EIF2B3: variants seen among roughly 807,000 people sequenced by gnomAD.
The protein encoded by EIF2B3 is eukaryotic translation initiation factor 2B subunit gamma, also known as translation initiation factor eIF2B subunit gamma.
EIF2B3 carries 20 observed loss-of-function variants against 54.1 expected under a neutral mutation model. The observed-to-expected ratio is 0.37, with a 90% confidence interval of 0.26 to 0.54. EIF2B3 has a LOEUF of 0.54. Ranked by LOEUF, EIF2B3 falls within the 20% of genes least tolerant of loss-of-function variation. EIF2B3 has a pLI of 0.86. For synonymous variants in EIF2B3, 153 were observed against 188.1 expected, an observed-to-expected ratio of 0.81 and a Z score of 1.52; for missense variants, 448 against 547.8, an observed-to-expected ratio of 0.82 and a Z score of 1.82.
chr1:44,881,688 C>A lies in EIF2B3; in HGVS notation c.708G>T (p.Gln236His). The A allele has an allele frequency of 1.2e-6, 2 of 1,614,164 alleles. No homozygotes were observed. Among genetic ancestry groups the A allele is most frequent in the Non-Finnish European group, 1.7e-6 (2 of 1,180,014 alleles). The change falls in exon 7 of 12, where the codon CAG (glutamine) becomes CAT (histidine). Residue 236 changes from glutamine to histidine, a missense_variant. Physicochemically the swap from Gln to His is conservative, Grantham distance 24. Coordinates refer to ENST00000360403, the MANE Select transcript of EIF2B3 (RefSeq NM_020365.5). This position sits in a 1 kb window ranked among gnomAD's most constrained non-coding sequence, Gnocchi z 4.0. ...SELIPYLVRK[Q>H]FSSASSQQGQ... Reference sequence around the variant, plus strand: ...CCTGTTGTGAGGAAGCTGAGGAAAACTGTTTTCTCACTAAATATGGAATCA... The same window carrying A: ...CCTGTTGTGAGGAAGCTGAGGAAAAATGTTTTCTCACTAAATATGGAATCA...
chr1:44,899,972 G>A (rs543104900), intron 5 of EIF2B3, among the ~76,000 whole-genome samples: 35 of 152,260 alleles, frequency 2.3e-4, no homozygotes, highest in South Asian at 1.0e-3. Flanking sequence ...AAAATGTAGT[G>A]CAATATATAT....
Position 44,856,711 on chromosome 1 carries a change from G to A in EIF2B3, c.1306+993C>T, listed in dbSNP as rs761264570. On this transcript the variant is annotated intron_variant, in intron 11 of 11. Transcript: ENST00000360403. ...AAACTGAAGAAGGAAATGATGTGGCGTCTACAGAGTTGGTGGGGTTAATTC... is the reference window on the plus strand; with the variant it reads ...AAACTGAAGAAGGAAATGATGTGGCATCTACAGAGTTGGTGGGGTTAATTC... Among the ~76,000 whole-genome samples, 16 of 151,938 alleles carry A rather than the reference G, an allele frequency of 1.1e-4. No individual in the cohort carries two copies. The East Asian group carries it at 1.2e-3, about 11-fold the overall frequency.
chr1:44,969,922 G>T (rs1644383684), intron 3 of EIF2B3: 2 of 152,172 alleles, frequency 1.3e-5, no homozygotes, highest in Non-Finnish European at 2.9e-5. Flanking sequence ...GAGAAAATAT[G>T]AAATCTAAGA....
At chr1:44,902,602 G>A (rs1643329335) in intron 5 of EIF2B3, among the ~76,000 whole-genome samples, 1 of 152,030 alleles carries the variant, frequency 6.6e-6, no homozygotes, top group South Asian at 2.1e-4. Context: ...TGGGAGGACT[G>A]CTCAAGCTCA....
At chr1:44,980,956 C>A in intron 2 of EIF2B3, 65 bp downstream of exon 2, 1 of 1,600,210 alleles carries the variant, frequency 6.2e-7, no homozygotes, top group African/African-American at 1.3e-5. Context: ...ATAACGCTGA[C>A]AAATCATGGG....
intron 3 of EIF2B3, among the ~76,000 whole-genome samples, chr1:44,968,893 T>C (rs1253354824): frequency 6.4e-5 from 5 of 78,168 alleles, no homozygotes; most frequent in Admixed American, 4.0e-4. Context: ...CAAAACTCCA[T>C]CTCAAAAAAA....
chr1:44,854,790 T>C (rs985250079), intron 11 of EIF2B3, among the ~76,000 whole-genome samples: 1 of 151,916 alleles, frequency 6.6e-6, no homozygotes, highest in African/African-American at 2.4e-5. Context: ...GGTTTCTCCA[T>C]GTTGGTCAGG....
At chr1:44,867,863 T>C (rs186432318) in intron 10 of EIF2B3, among the ~76,000 whole-genome samples, 2 of 141,870 alleles carry the variant, frequency 1.4e-5, no homozygotes, top group Admixed American at 7.3e-5. Flanking sequence ...AGAGATTCTG[T>C]CTCTAAAAAA....
chr1:44,925,907 G>C (rs752089603), intron 5 of EIF2B3, among the ~76,000 whole-genome samples: 1 of 149,948 alleles, frequency 6.7e-6, no homozygotes, highest in Admixed American at 6.7e-5. Flanking sequence ...CTGGGCAACA[G>C]AGCAAGACTC....
intron 8 of EIF2B3, among the ~76,000 whole-genome samples, chr1:44,879,115 CTTA>C (rs1482831007): frequency 6.6e-6 from 1 of 152,114 alleles, no homozygotes; most frequent in African/African-American, 2.4e-5. Context: ...TTTTCCTAGT[CTTA>C]TTATTCCTCC....
chr1:44,900,500 G>T (rs1643263355), intron 5 of EIF2B3, among the ~76,000 whole-genome samples: 1 of 149,318 alleles, frequency 6.7e-6, no homozygotes, highest in African/African-American at 2.5e-5. Context: ...TACACAACCA[G>T]GGGGAGGGAG....
chr1:44,979,563 T>A (rs1644491494), intron 2 of EIF2B3, among the ~76,000 whole-genome samples: 1 of 148,054 alleles, frequency 6.8e-6, no homozygotes, highest in South Asian at 2.1e-4. Context: ...GAGGCTAAGA[T>A]GGGAGGATCG....
At chr1:44,874,515 AG>A in intron 10 of EIF2B3, 162 bp downstream of exon 10, 1 of 720,436 alleles carries the variant, frequency 1.4e-6, no homozygotes, top group South Asian at 2.1e-5. Context: ...TTCCTAGTAA[AG>A]TTTTTGAGAC....
chr1:44,891,870 CA>C (rs1200524467), intron 6 of EIF2B3, among the ~76,000 whole-genome samples: 2 of 152,114 alleles, frequency 1.3e-5, no homozygotes, highest in African/African-American at 2.4e-5. Flanking sequence ...GTTCTTATAG[CA>C]ATGCTTATGA....
chr1:44,937,384 T>A (rs887567743), intron 4 of EIF2B3: 1 of 152,214 alleles, frequency 6.6e-6, no homozygotes, highest in Non-Finnish European at 1.5e-5. Context: ...TATGATCCCT[T>A]CCCTTATGGA....
intron 6 of EIF2B3, among the ~76,000 whole-genome samples, chr1:44,887,665 G>A (rs1027001168): frequency 1.2e-4 from 19 of 152,174 alleles, no homozygotes; most frequent in Admixed American, 2.6e-4. Flanking sequence ...AAGGCCGGGC[G>A]CGATGGCTCA....
At chr1:44,927,263 T>C (rs544798344) in intron 4 of EIF2B3, among the ~76,000 whole-genome samples, 23 of 152,248 alleles carry the variant, frequency 1.5e-4, no homozygotes, top group African/African-American at 5.3e-4. Context: ...TATAATTGTC[T>C]CATGGTTCTG....
At chr1:44,858,066 G>C (rs1012452823) in intron 10 of EIF2B3, among the ~76,000 whole-genome samples, 1 of 138,122 alleles carries the variant, frequency 7.2e-6, no homozygotes, top group African/African-American at 2.6e-5. Context: ...CTTCACTTCA[G>C]TTCCTTTTTT....
At chr1:44,869,549 A>G (rs530780635) in intron 10 of EIF2B3, among the ~76,000 whole-genome samples, 4 of 141,194 alleles carry the variant, frequency 2.8e-5, no homozygotes, top group African/African-American at 1.1e-4. Context: ...GTTCAGTTTT[A>G]CCCCCATTTT....
Sources: gnomAD v4.1 joint callset for allele counts (sites outside exome capture counted in the v4.1 genomes callset) on GRCh38, gnomAD v4.1.1 for gene constraint, Gnocchi (gnomAD v3.1) non-coding constraint, MANE v1.5 for transcripts, NCBI Gene and HGNC (gene_info 2026-07-23, HGNC 2026-07-21) for gene names.